ARIH1: variants seen among roughly 807,000 people sequenced by gnomAD.
ARIH1 encodes the protein ariadne RBR E3 ubiquitin protein ligase 1.
ARIH1 carries 8 observed loss-of-function variants against 85.0 expected under a neutral mutation model. The ratio of observed to expected loss-of-function variants is 0.09; its 90% CI spans 0.06 to 0.17. ARIH1 has a LOEUF of 0.17. Among genes scored for constraint, ARIH1 ranks in the 10% least tolerant of loss-of-function variants. ARIH1 has a pLI of 1.00. For missense variants in ARIH1, 311 were observed against 718.1 expected (o/e 0.43, Z 6.48); for synonymous variants, 238 against 253.6 (o/e 0.94, Z 0.59).
At chr15:72,568,160 C>T (rs2064229039) in intron 9 of ARIH1, among the ~76,000 whole-genome samples, 1 of 152,078 alleles carries the variant, frequency 6.6e-6, no homozygotes, top group African/African-American at 2.4e-5. Context: ...TTTGTTCCCT[C>T]CAAAACCATC....
intron 2 of ARIH1, among the ~76,000 whole-genome samples, chr15:72,535,036 C>T (rs1189418794): frequency 1.5e-5 from 2 of 133,944 alleles, no homozygotes; most frequent in Non-Finnish European, 3.2e-5. Flanking sequence ...CTGCAGGCTC[C>T]GCCCCCTGGG....
At chr15:72,557,592 C>G (rs190833569) in intron 5 of ARIH1, among the ~76,000 whole-genome samples, 16 of 152,088 alleles carry the variant, frequency 1.1e-4, no homozygotes, top group Non-Finnish European at 1.9e-4. Flanking sequence ...GTTGCAGTTG[C>G]GTTTGGGGAC....
intron 1 of ARIH1, among the ~76,000 whole-genome samples, chr15:72,481,054 AG>A (rs2063814599): frequency 6.6e-6 from 1 of 152,222 alleles, no homozygotes; most frequent in Admixed American, 6.5e-5. Flanking sequence ...GAGGAGGAAG[AG>A]GGTGTACAAG....
At chr15:72,544,723 C>T in intron 2 of ARIH1, 97 bp from the exon 3 acceptor site, 1 of 1,088,532 alleles carries the variant, frequency 9.2e-7, no homozygotes, top group South Asian at 2.0e-5. Context: ...TATTTTAATT[C>T]AACTTCTTGC....
At position 72,596,657 on chromosome 15, in the gene ARIH1, T is replaced by C. The variant is rs752154337; in HGVS notation, c.*13365T>C. Reference sequence around the variant, plus strand: ...TGCCCTGTTTTCTTTTTGTTTTCAGTTTGGATACTTTCCATTTAACCATCT... The same window carrying C: ...TGCCCTGTTTTCTTTTTGTTTTCAGCTTGGATACTTTCCATTTAACCATCT... On this transcript the variant is annotated 3_prime_UTR_variant, in exon 14 of 14. Transcript: ENST00000379887. 6.6e-6 allele frequency: 1 copy of C among 152,204 alleles called. No individual in the cohort carries two copies. The highest frequency in any genetic ancestry group is 2.1e-4 in the South Asian group (1 of 4,836). The allele number at this position is 152,204 out of a possible 1,614,324, so 9.4% of individuals were successfully genotyped here.
At chr15:72,533,701 G>T (rs1266347421) in intron 2 of ARIH1, among the ~76,000 whole-genome samples, 1 of 152,164 alleles carries the variant, frequency 6.6e-6, no homozygotes, top group Non-Finnish European at 1.5e-5. Context: ...GAGGCCAGGA[G>T]TTACAGATCA....
At chr15:72,575,098 C>CA (rs1175930876) in intron 11 of ARIH1, among the ~76,000 whole-genome samples, 1 of 151,718 alleles carries the variant, frequency 6.6e-6, no homozygotes, top group Non-Finnish European at 1.5e-5. Flanking sequence ...TATCTCAGAA[C>CA]AAAAAAACAA....
Position 72,474,864 on chromosome 15 carries a change from G to T in ARIH1, c.225G>T (p.Gly75=), listed in dbSNP as rs761540202. 9 of 1,421,212 alleles carry T rather than the reference G, an allele frequency of 6.3e-6. No individual in the cohort carries two copies. The highest frequency in any genetic ancestry group is 8.3e-6 in the Non-Finnish European group (9 of 1,081,570). 88.0% of individuals were successfully genotyped at this position (1,421,212 alleles called of 1,614,324 possible). Residue 75 remains glycine (G), a synonymous_variant, in exon 1 of 14, where the codon GGG becomes GGT. Coordinates refer to ENST00000379887, the MANE Select transcript of ARIH1 (RefSeq NM_005744.5). Reference sequence around the variant, plus strand: ...GCGGTGGCGGCGGCAGCGCTCTGGGGCCCGGCGGTGGCGGCGGCGGCGGCG... The same window carrying T: ...GCGGTGGCGGCGGCAGCGCTCTGGGTCCCGGCGGTGGCGGCGGCGGCGGCG... ...ETGGGGGSAL[G]PGGGGGGGGG...
chr15:72,475,042 C>T, intron 1 of ARIH1, 28 bp downstream of exon 1: 2 of 1,547,338 alleles, frequency 1.3e-6, no homozygotes, highest in Non-Finnish European at 1.7e-6. Flanking sequence ...GCCAGCTGGA[C>T]CGGGCCCGAC....
intron 1 of ARIH1, among the ~76,000 whole-genome samples, chr15:72,484,046 G>A (rs1419590359): frequency 7.9e-5 from 12 of 151,590 alleles, no homozygotes; most frequent in Admixed American, 2.6e-4. Flanking sequence ...GGTGGTGGGC[G>A]CCTGTAATCC....
intron 1 of ARIH1, among the ~76,000 whole-genome samples, chr15:72,506,826 T>G (rs2063927763): frequency 6.6e-6 from 1 of 152,000 alleles, no homozygotes; most frequent in South Asian, 2.1e-4. Flanking sequence ...TAAACTGGAA[T>G]AAAAAAGTGG....
In ARIH1 at chr15:72,587,439, T is replaced by G. The variant is rs2064322222; in HGVS notation, c.*4147T>G. Reference sequence around the variant, plus strand: ...CAACACAGTAGTTGAGAATAAGTGGTTTAGTATGATTTGCTTAATAGTACC... The same window carrying G: ...CAACACAGTAGTTGAGAATAAGTGGGTTAGTATGATTTGCTTAATAGTACC... On this transcript the variant is annotated 3_prime_UTR_variant, in exon 14 of 14. Coordinates refer to ENST00000379887, the MANE Select transcript of ARIH1 (RefSeq NM_005744.5). The G allele has an allele frequency of 3.1e-6, 1 of 321,364 alleles. No individual in the cohort carries two copies. The allele number at this position is 321,364 out of a possible 1,614,324, so 19.9% of individuals were successfully genotyped here. A position where few individuals can be genotyped will look rare whatever the true frequency, so the allele number is the denominator to read the frequency against.
At chr15:72,498,658 A>C (rs1190795969) in intron 1 of ARIH1, among the ~76,000 whole-genome samples, 2 of 152,048 alleles carry the variant, frequency 1.3e-5, no homozygotes, top group African/African-American at 2.4e-5. Flanking sequence ...AGCCTGACCA[A>C]CATGGCGAAA....
chr15:72,510,767 AAAAGAC>A (rs2063947307), intron 1 of ARIH1, among the ~76,000 whole-genome samples: 15 of 141,644 alleles, frequency 1.1e-4, no homozygotes, highest in African/African-American at 3.3e-4. Context: ...AAAAAAAAAA[AAAAGAC>A]TTTTTCCCCG....
chr15:72,522,279 C>T (rs1222833187), intron 2 of ARIH1, among the ~76,000 whole-genome samples: 4 of 152,162 alleles, frequency 2.6e-5, no homozygotes, highest in African/African-American at 9.7e-5. Flanking sequence ...ATTGTGAGGC[C>T]AGGGAAGGCA....
At chr15:72,511,945 T>A (rs1034615043) in intron 1 of ARIH1, among the ~76,000 whole-genome samples, 4 of 152,020 alleles carry the variant, frequency 2.6e-5, no homozygotes, top group Non-Finnish European at 2.9e-5. Flanking sequence ...CTTTTCTTCA[T>A]TAGGCTTTTA....
In ARIH1 at chr15:72,544,876, G is replaced by A. The variant is rs769334669; in HGVS notation, c.500G>A (p.Ser167Asn). ...LFAECHVINP[S>N]KKSRTRQMNT... is the part of the protein sequence containing the mutation. ...GCTGAGTGTCATGTAATTAATCCAA[G>A]TAAAAAGTCTCGAACACGCCAGATG... The change falls in exon 3 of 14, where the codon AGT becomes AAT. Residue 167 changes from serine (S) to asparagine (N), a missense_variant. Ser to Asn is a conservative substitution (Grantham distance 46, BLOSUM62 1). This residue lies in a region of ARIH1 where 104 missense variants were observed against 221.4 expected (regional missense o/e 0.47). Coordinates refer to ENST00000379887, the MANE Select transcript of ARIH1 (RefSeq NM_005744.5). The A allele has an allele frequency of 2.5e-6, 4 of 1,613,466 alleles. No homozygotes were observed. The African/African-American group carries it at 4.0e-5, about 16-fold the overall frequency.
chr15:72,480,016 C>T (rs553693621), intron 1 of ARIH1, among the ~76,000 whole-genome samples: 11 of 152,046 alleles, frequency 7.2e-5, no homozygotes, highest in East Asian at 5.8e-4. Flanking sequence ...TACAGGCAGC[C>T]GCTACCATGC....
intron 1 of ARIH1, among the ~76,000 whole-genome samples, chr15:72,508,512 G>A (rs4777513): frequency 0.62 from 94,462 of 152,042 alleles, 34,520 homozygotes; most frequent in South Asian, 0.83. Context: ...CCTGGACCAA[G>A]ACACTTAACC....
Sources: allele counts gnomAD v4.1 joint callset (sites outside exome capture counted in the v4.1 genomes callset), GRCh38; gene constraint gnomAD v4.1.1; regional missense constraint gnomAD v4.1.1; transcripts MANE v1.5; gene names NCBI Gene and HGNC (gene_info 2026-07-23, HGNC 2026-07-21).